Variants in SMYD3 observed in about 807,000 individuals in gnomAD.
The protein encoded by SMYD3 is histone-lysine N-methyltransferase SMYD3.
Under a neutral mutation model 57.7 loss-of-function variants are expected in SMYD3, and 36 were observed. That is an observed-to-expected ratio of 0.62 (90% CI 0.48 to 0.82). SMYD3 has a LOEUF of 0.82. Among genes scored for constraint, SMYD3 ranks in the 40% least tolerant of loss-of-function variants. The probability of loss-of-function intolerance (pLI) is 0.00; values close to 1 mark genes in which losing one functional copy is unlikely to be tolerated. For synonymous variants in SMYD3, 211 were observed against 195.0 expected (o/e 1.08, Z -0.68); for missense variants, 515 against 538.8 (o/e 0.96, Z 0.44).
chr1:246,223,185 G>A (rs1572236001), intron 5 of SMYD3, among the ~76,000 whole-genome samples: 2 of 152,244 alleles, frequency 1.3e-5, no homozygotes, highest in East Asian at 3.9e-4. Flanking sequence ...TACCCAGGGT[G>A]AGGAGAAAAG....
intron 5 of SMYD3, among the ~76,000 whole-genome samples, chr1:246,232,286 C>T (rs1194818393): frequency 6.6e-6 from 1 of 152,110 alleles, no homozygotes; most frequent in Admixed American, 6.6e-5. Flanking sequence ...AATACTGTAA[C>T]CACGGAGAAT....
chr1:246,214,144 T>TG (rs2063128583), intron 5 of SMYD3, among the ~76,000 whole-genome samples: 2 of 152,188 alleles, frequency 1.3e-5, no homozygotes, highest in African/African-American at 4.8e-5. Flanking sequence ...CACTGGAACT[T>TG]GGTCTTTACA....
chr1:245,956,807 T>C (rs1423609085), intron 5 of SMYD3, among the ~76,000 whole-genome samples: 2 of 152,246 alleles, frequency 1.3e-5, no homozygotes, highest in Non-Finnish European at 2.9e-5. Flanking sequence ...ACTTCTTCCA[T>C]TCTGTTGGAG....
intron 1 of SMYD3, among the ~76,000 whole-genome samples, chr1:246,392,409 A>G (rs141518583): frequency 4.1e-4 from 62 of 152,302 alleles, no homozygotes; most frequent in African/African-American, 1.3e-3. Flanking sequence ...AGTATTTCAC[A>G]TATATCAATT....
intron 1 of SMYD3, among the ~76,000 whole-genome samples, chr1:246,447,029 CAAAAA>C (rs57473890): frequency 1.8e-5 from 2 of 109,136 alleles, no homozygotes; most frequent in Non-Finnish European, 3.9e-5. Context: ...ACTCCGTCTC[CAAAAA>C]AAAAAAAAAA....
chr1:245,861,151 C>A (rs9725409), intron 9 of SMYD3, among the ~76,000 whole-genome samples: 152,316 of 152,360 alleles, frequency 1, 76,136 homozygotes, highest in Non-Finnish European at 1. Context: ...CCCAGTGAGC[C>A]AAAAAATGGA....
chr1:245,776,214 A>C (rs895414074), intron 10 of SMYD3, among the ~76,000 whole-genome samples: 1 of 152,232 alleles, frequency 6.6e-6, no homozygotes, highest in African/African-American at 2.4e-5. Flanking sequence ...AAGACTTTTT[A>C]ATGTTCTGTT....
At chr1:245,884,543 G>T (rs1238429427) in intron 8 of SMYD3, among the ~76,000 whole-genome samples, 1 of 152,026 alleles carries the variant, frequency 6.6e-6, no homozygotes, top group African/African-American at 2.4e-5. Context: ...GAAGAAGCTG[G>T]CCATCCCACC....
intron 10 of SMYD3, among the ~76,000 whole-genome samples, chr1:245,806,780 G>C (rs554749134): frequency 1.3e-5 from 2 of 151,094 alleles, no homozygotes; most frequent in Non-Finnish European, 2.9e-5. Context: ...CGCGGTGGCG[G>C]GCGCCTGTAG....
Position 246,146,424 on chromosome 1 carries a change from A to G in SMYD3, c.531+180777T>C, listed in dbSNP as rs112737953. 8.1e-3 allele frequency among the ~76,000 whole-genome samples: 1,231 copies of G among 152,334 alleles called. 11 individuals carry two copies. Among genetic ancestry groups the G allele is most frequent in the African/African-American group, 0.027 (1,140 of 41,570 alleles). ...AACACGTACCTGCACATGTGAGTTAACGACAAGGGTTTGGGAAAGAGACCT... is the reference window on the plus strand; with the variant it reads ...AACACGTACCTGCACATGTGAGTTAGCGACAAGGGTTTGGGAAAGAGACCT... On this transcript the variant is annotated intron_variant, in intron 5 of 11. Coordinates refer to ENST00000490107, the MANE Select transcript of SMYD3 (RefSeq NM_001167740.2).
chr1:245,910,227 C>T (rs1029511514), intron 8 of SMYD3, among the ~76,000 whole-genome samples: 3 of 152,012 alleles, frequency 2.0e-5, no homozygotes, highest in Admixed American at 1.3e-4. Flanking sequence ...ATAGCATAAA[C>T]ACCTAGGACT....
At chr1:245,770,231 C>A (rs921112836) in intron 10 of SMYD3, among the ~76,000 whole-genome samples, 2 of 151,948 alleles carry the variant, frequency 1.3e-5, no homozygotes, top group Admixed American at 6.6e-5. Context: ...GGAAGGTGAA[C>A]CTTGTATTCA....
intron 5 of SMYD3, among the ~76,000 whole-genome samples, chr1:245,947,648 C>T (rs900484291): frequency 6.6e-6 from 1 of 152,112 alleles, no homozygotes; most frequent in African/African-American, 2.4e-5. Flanking sequence ...TGAGAAAATA[C>T]ATGTGGGCCT....
At chr1:246,387,298 C>T (rs1472512205) in intron 1 of SMYD3, among the ~76,000 whole-genome samples, 1 of 152,184 alleles carries the variant, frequency 6.6e-6, no homozygotes, top group African/African-American at 2.4e-5. Context: ...TTTCTAGCTT[C>T]AGACTTCTTA....
At chr1:246,081,837 T>C (rs2788018) in intron 5 of SMYD3, among the ~76,000 whole-genome samples, 30,659 of 152,190 alleles carry the variant, frequency 0.2, 3,573 homozygotes, top group East Asian at 0.4. Flanking sequence ...GGGAGAATGA[T>C]TGCTTGAGGC....
intron 1 of SMYD3, among the ~76,000 whole-genome samples, chr1:246,363,366 C>T (rs1200276956): frequency 6.6e-6 from 1 of 151,980 alleles, no homozygotes; most frequent in Non-Finnish European, 1.5e-5. Flanking sequence ...CCCGGCCGCC[C>T]CTACTGGGAA....
At chr1:246,014,255 G>C (rs950054528) in intron 5 of SMYD3, among the ~76,000 whole-genome samples, 2 of 152,338 alleles carry the variant, frequency 1.3e-5, no homozygotes, top group East Asian at 3.9e-4. Flanking sequence ...CCAGGAGGTG[G>C]AGATTGCAGT....
chr1:246,421,895 C>A (rs1222424096), intron 1 of SMYD3, among the ~76,000 whole-genome samples: 2 of 152,222 alleles, frequency 1.3e-5, no homozygotes, highest in Admixed American at 6.5e-5. Context: ...AGGGAGAGAG[C>A]AAATTCACCT....
intron 7 of SMYD3, among the ~76,000 whole-genome samples, chr1:245,920,359 AC>A (rs1417298849): frequency 2.7e-5 from 4 of 149,752 alleles, no homozygotes; most frequent in Non-Finnish European, 4.4e-5. Context: ...TTAAAATTAG[AC>A]CTTGTTTCAT....
Sources: gnomAD v4.1 joint callset for allele counts (sites outside exome capture counted in the v4.1 genomes callset) on GRCh38, gnomAD v4.1.1 for gene constraint, MANE v1.5 for transcripts, NCBI Gene and HGNC (gene_info 2026-07-23, HGNC 2026-07-21) for gene names.